The following SPATA13 variants were observed in gnomAD, a reference collection of about 807,000 sequenced individuals.
SPATA13 encodes the protein spermatogenesis-associated protein 13.
Under a neutral mutation model 104.0 loss-of-function variants are expected in SPATA13, and 50 were observed. That is an observed-to-expected ratio of 0.48 (90% CI 0.38 to 0.61). SPATA13 has a LOEUF of 0.61. SPATA13 is among the 20% of genes least tolerant of loss of function. The pLI is 0.00. For missense variants in SPATA13, 1,524 were observed against 1,690.6 expected, an observed-to-expected ratio of 0.90 and a Z score of 1.73; for synonymous variants, 606 against 667.5, an observed-to-expected ratio of 0.91 and a Z score of 1.42.
At chr13:24,235,630 G>A (rs1209842868) in intron 2 of SPATA13, among the ~76,000 whole-genome samples, 2 of 152,168 alleles carry the variant, frequency 1.3e-5, no homozygotes, top group African/African-American at 4.8e-5. Flanking sequence ...GGTGGTGCAA[G>A]CCTGTGGCCC....
At chr13:23,999,368 C>CAAAACAAAAAAAA (rs1875843279) in intron 2 of SPATA13, among the ~76,000 whole-genome samples, 1 of 94,364 alleles carries the variant, frequency 1.1e-5, no homozygotes, top group Non-Finnish European at 2.1e-5. Flanking sequence ...CATTTTCTAC[C>CAAAACAAAAAAAA]AAAAAAAAAA....
rs11421515 is a variant in SPATA13, at chr13:24,107,237, C to CAAAAAAAAAAAAAAAAAAAAAAAAAAAA, written c.-112+89563_-112+89564insAAAAAAAAAAAAAAAAAAAAAAAAAAAA. On this transcript the variant is annotated intron_variant, in intron 3 of 14. Coordinates refer to the SPATA13 transcript ENST00000424834. ...CTCAAGTGCCCTTTTGAACAAGAGGCAAAAAAAAAAAAAAAAAAAAAAAAA... is the reference window on the plus strand; with the variant it reads ...CTCAAGTGCCCTTTTGAACAAGAGGCAAAAAAAAAAAAAAAAAAAAAAAAAAAAAAAAAAAAAAAAAAAAAAAAAAAAA... 5.8e-5 allele frequency among the ~76,000 whole-genome samples: 2 copies of CAAAAAAAAAAAAAAAAAAAAAAAAAAAA among 34,266 alleles called. 1 individual carries two copies. The highest frequency in any genetic ancestry group is 9.3e-5 in the Non-Finnish European group (2 of 21,512). The allele number at this position is 34,266 out of a possible 152,430, so 22.5% of individuals were successfully genotyped here.
At position 24,000,834 on chromosome 13, in the gene SPATA13, G is replaced by A. The variant is rs575862436; in HGVS notation, c.-146-16833G>A. Among the ~76,000 whole-genome samples, 33 of 152,172 alleles carry A rather than the reference G, an allele frequency of 2.2e-4. 1 individual carries two copies. The South Asian group carries it at 6.9e-3, about 32-fold the overall frequency. On this transcript the variant is annotated intron_variant, in intron 2 of 14. Transcript: ENST00000424834. ...AATTCGGGAGAACCCTGGGTGAGAG[G>A]TGTGAATTTGGGAGAGCCCTGGATG...
intron 2 of SPATA13, among the ~76,000 whole-genome samples, chr13:24,239,785 TCTC>T (rs1872746292): frequency 6.6e-6 from 1 of 150,690 alleles, no homozygotes; most frequent in Non-Finnish European, 1.5e-5. Flanking sequence ...AATATTAAGT[TCTC>T]CTCAATCAAT....
intron 2 of SPATA13, among the ~76,000 whole-genome samples, chr13:24,247,229 C>A (rs1472188691): frequency 2.0e-5 from 3 of 152,140 alleles, no homozygotes; most frequent in African/African-American, 7.2e-5. Flanking sequence ...CTGTGGACAG[C>A]AGCAAAGGGG....
At position 24,223,152 on chromosome 13, in the gene SPATA13, C is replaced by T. The variant is rs772782331; in HGVS notation, c.223C>T (p.Leu75Phe). 14 of 1,551,640 alleles carry T rather than the reference C, an allele frequency of 9.0e-6. No individual in the cohort carries two copies. Among genetic ancestry groups the T allele is most frequent in the African/African-American group, 1.4e-5 (1 of 73,070 alleles). ...ACTCAGCCCAGCCAAGCTTGTGCGC[C>T]TCTTTTCCACCAGTCGGAAGAGGAC... Reference protein sequence around the residue: ...AKLSPAKLVRLFSTSRKRTGA... With the variant: ...AKLSPAKLVRFFSTSRKRTGA... The change falls in exon 2 of 13, where the codon CTC becomes TTC. Residue 75 changes from leucine (L) to phenylalanine (F), a missense_variant. Transcript: ENST00000382108.
intron 2 of SPATA13, among the ~76,000 whole-genome samples, chr13:23,999,791 A>G (rs965947504): frequency 7.9e-5 from 12 of 152,202 alleles, no homozygotes; most frequent in African/African-American, 7.2e-5. Flanking sequence ...TATGGTTCCT[A>G]TTACTTCATT....
At chr13:24,100,142 T>A (rs1037473544) in intron 3 of SPATA13, among the ~76,000 whole-genome samples, 4 of 150,008 alleles carry the variant, frequency 2.7e-5, no homozygotes, top group East Asian at 2.0e-4. Context: ...TTAAATAGTT[T>A]AAAAAAAAAA....
At chr13:24,138,750 A>ATTT (rs11354139) in intron 3 of SPATA13, among the ~76,000 whole-genome samples, 17 of 112,618 alleles carry the variant, frequency 1.5e-4, no homozygotes, top group African/African-American at 4.6e-4. Flanking sequence ...CCCCTGGCTA[A>ATTT]TTTTTTTTTT....
intron 3 of SPATA13, among the ~76,000 whole-genome samples, chr13:24,073,878 A>C (rs1879243654): frequency 6.6e-6 from 1 of 152,236 alleles, no homozygotes; most frequent in African/African-American, 2.4e-5. Flanking sequence ...CTGGTGTGCC[A>C]GTTACGTAGA....
chr13:24,050,244 G>A lies in SPATA13; in HGVS notation c.-112+32543G>A, dbSNP rs564932187. ...CCATGAATTTATGAGAAACTGTTAA[G>A]TATAATAGATATTAAAAAATAGAAA... On this transcript the variant is annotated intron_variant, in intron 3 of 14. Coordinates refer to the SPATA13 transcript ENST00000424834. 3.0e-4 allele frequency among the ~76,000 whole-genome samples: 45 copies of A among 152,216 alleles called. 2 individuals carry two copies. In the South Asian group the frequency reaches 8.1e-3, roughly 27 times the overall value.
At chr13:24,260,891 T>G (rs763325865) in intron 4 of SPATA13, among the ~76,000 whole-genome samples, 1 of 152,244 alleles carries the variant, frequency 6.6e-6, no homozygotes, top group Non-Finnish European at 1.5e-5. Flanking sequence ...GGTGAATGAT[T>G]GCACCTATGT....
Position 24,205,837 on chromosome 13 carries a change from G to C in SPATA13, c.-111-16982G>C, listed in dbSNP as rs1302577624. Among the ~76,000 whole-genome samples the C allele has an allele frequency of 6.6e-6, 1 of 152,050 alleles. No homozygotes were observed. Among genetic ancestry groups the C allele is most frequent in the Non-Finnish European group, 1.5e-5 (1 of 68,026 alleles). ...TGACCAAAAACAAGCAATGGAGAAA[G>C]GATACCCTATTTAATAAATGGTGCT... On this transcript the variant is annotated intron_variant, in intron 1 of 12. Transcript: ENST00000382108. The surrounding 1 kb of genome is among the most constrained non-coding windows in gnomAD (Gnocchi z 4.1).
chr13:24,241,585 G>A (rs1234541653), intron 2 of SPATA13, among the ~76,000 whole-genome samples: 1 of 152,226 alleles, frequency 6.6e-6, no homozygotes, highest in Non-Finnish European at 1.5e-5. Context: ...AGTGATGCAC[G>A]GAGTGATGCC....
intron 2 of SPATA13, among the ~76,000 whole-genome samples, chr13:23,992,751 C>A (rs1459159046): frequency 1.3e-5 from 2 of 152,138 alleles, no homozygotes; most frequent in Admixed American, 1.3e-4. Context: ...AGCTTCCTGG[C>A]AAACTCACAT....
At chr13:24,064,206 C>A (rs1878871476) in intron 3 of SPATA13, among the ~76,000 whole-genome samples, 1 of 152,308 alleles carries the variant, frequency 6.6e-6, no homozygotes, top group Admixed American at 6.5e-5. Context: ...TTCTAAAGCT[C>A]ACAGTACGTC....
chr13:24,113,173 TG>T (rs529584448), intron 3 of SPATA13, among the ~76,000 whole-genome samples: 1 of 152,372 alleles, frequency 6.6e-6, no homozygotes, highest in South Asian at 2.1e-4. Context: ...AACCACTATG[TG>T]CAAACCACTA....
chr13:24,226,991 G>A (rs1485476322), intron 2 of SPATA13, among the ~76,000 whole-genome samples: 29 of 152,180 alleles, frequency 1.9e-4, no homozygotes, highest in Admixed American at 1.8e-3. Context: ...ATTGAGAACC[G>A]TCTGCTCATT....
intron 10 of SPATA13, among the ~76,000 whole-genome samples, chr13:24,295,763 A>T (rs188255916): frequency 6.6e-6 from 1 of 152,170 alleles, no homozygotes; most frequent in Non-Finnish European, 1.5e-5. Context: ...AATGGCACTG[A>T]TCTGAGCCAT....
Sources: gnomAD v4.1 joint callset for allele counts (sites outside exome capture counted in the v4.1 genomes callset) on GRCh38, gnomAD v4.1.1 for gene constraint, Gnocchi (gnomAD v3.1) non-coding constraint, MANE v1.5 for transcripts, NCBI Gene and HGNC (gene_info 2026-07-23, HGNC 2026-07-21) for gene names.